Variants in EBNA1BP2 observed in about 807,000 individuals in gnomAD.
EBNA1BP2 encodes probable rRNA-processing protein EBP2.
EBNA1BP2 carries 36 observed loss-of-function variants against 43.5 expected under a neutral mutation model. That is an observed-to-expected ratio of 0.83 (90% confidence interval 0.63 to 1.09). The LOEUF (loss-of-function observed/expected upper bound fraction) is 1.09, where lower values mean the gene tolerates loss of function less well. Among genes scored for constraint, EBNA1BP2 ranks in the 50% least tolerant of loss-of-function variants. The probability of loss-of-function intolerance (pLI) is 0.00; values close to 1 mark genes in which losing one functional copy is unlikely to be tolerated. For synonymous variants in EBNA1BP2, 127 were observed against 141.3 expected (o/e 0.90, Z 0.72); for missense variants, 332 against 379.1 (o/e 0.88, Z 1.03).
At position 43,164,365 on chromosome 1, in the gene EBNA1BP2, A is replaced by G. The variant is rs1644903387; in HGVS notation, c.*78T>C. ...AAGAAATGTTTACAACATGACACCA[A>G]CAGAAGGGATCAAAGTGTGTCGTGA... On this transcript the variant is annotated 3_prime_UTR_variant, in exon 9 of 9. Transcript: ENST00000236051. 1.9e-6 allele frequency: 3 copies of G among 1,559,384 alleles called. No individual in the cohort carries two copies.
intron 2 of EBNA1BP2, 110 bp from the exon 3 acceptor site, chr1:43,171,761 G>C: frequency 6.4e-7 from 1 of 1,561,294 alleles, no homozygotes. Context: ...ACCCAGACAG[G>C]TAATTGACCC....
chr1:43,168,882 A>G, intron 5 of EBNA1BP2, 57 bp downstream of exon 5: 1 of 1,562,628 alleles, frequency 6.4e-7, no homozygotes, highest in Non-Finnish European at 8.8e-7. Context: ...AGACCACGGC[A>G]ATCTCATCTA....
chr1:43,171,958 C>A lies in EBNA1BP2; in HGVS notation c.78G>T (p.Ala26=). 1 of 1,614,188 alleles carries A rather than the reference C, an allele frequency of 6.2e-7. No individual in the cohort carries two copies. The highest frequency in any genetic ancestry group is 1.1e-5 in the South Asian group (1 of 91,084). ...CTGGCTTCAGAAGCCCTCGGGAAAA[C>A]GCATCCTGCAACTGCAGGACACAAT... is the stretch of plus-strand genomic sequence containing the variant. ...SLVTDRELQD[A]FSRGLLKPGL... is the part of the protein sequence containing the mutation. The change falls in exon 2 of 9, where the codon GCG becomes GCT. Residue 26 remains alanine (A), a synonymous_variant. Transcript: ENST00000236051.
At chr1:43,172,490 G>A, upstream of EBNA1BP2, 1 of 1,528,504 alleles carries the variant, frequency 6.5e-7, no homozygotes, top group African/African-American at 1.4e-5. Context: ...AGAAGGAGCT[G>A]GTAGCAGTGA....
At chr1:43,172,467 C>T, upstream of EBNA1BP2, 2 of 1,542,570 alleles carry the variant, frequency 1.3e-6, no homozygotes. Context: ...GGAGGGGGTA[C>T]CTGGGGGTCG....
At position 43,164,704 on chromosome 1, in the gene EBNA1BP2, C is replaced by G; in HGVS notation, c.809G>C (p.Ser270Thr). Reference sequence around the variant, plus strand: ...GCCATGAGCTGTCTTGGCCCGGAAGCTAGATACATCATCATAGCTCTCCCG... The same window carrying G: ...GCCATGAGCTGTCTTGGCCCGGAAGGTAGATACATCATCATAGCTCTCCCG... The part of the protein sequence containing the change: ...NTRESYDDVS[S>T]FRAKTAHGRG... The change falls in exon 8 of 9, where the codon AGC becomes ACC. Residue 270 changes from serine to threonine, a missense_variant. Physicochemically the swap from Ser to Thr is moderately conservative, Grantham distance 58 (BLOSUM62 1). Coordinates refer to ENST00000236051, the MANE Select transcript of EBNA1BP2 (RefSeq NM_006824.3). 1.2e-6 allele frequency: 2 copies of G among 1,614,210 alleles called. No individual in the cohort carries two copies. The highest frequency in any genetic ancestry group is 1.1e-5 in the South Asian group (1 of 91,084).
chr1:43,171,156 T>A, intron 3 of EBNA1BP2: 1 of 459,014 alleles, frequency 2.2e-6, no homozygotes, highest in Non-Finnish European at 3.7e-6. Flanking sequence ...CGATTATGGA[T>A]TCTTATGTAA....
In EBNA1BP2 at chr1:43,165,852, C is replaced by T. The variant is rs773141985; in HGVS notation, c.707+974G>A. Among the ~76,000 whole-genome samples the T allele has an allele frequency of 2.3e-4, 35 of 152,170 alleles. 1 individual carries two copies. The highest frequency in any genetic ancestry group is 1.2e-4 in the Non-Finnish European group (8 of 68,032). ...GTTCAAGCTCTTACTTCTTCCCAAA[C>T]CCAGCTTCTCTTCTATTCTCGTGGT... On this transcript the variant is annotated intron_variant, in intron 7 of 8. Coordinates refer to ENST00000236051, the MANE Select transcript of EBNA1BP2 (RefSeq NM_006824.3).
chr1:43,164,919 T>A, intron 7 of EBNA1BP2, 114 bp from the exon 8 acceptor site: 1 of 1,315,568 alleles, frequency 7.6e-7, no homozygotes, highest in Non-Finnish European at 1.0e-6. Flanking sequence ...GGCACGTCTG[T>A]AACCCAGAAT....
chr1:43,171,049 G>A lies in EBNA1BP2; in HGVS notation c.324-170C>T, dbSNP rs542410610. The A allele has an allele frequency of 7.2e-6, 7 of 978,122 alleles. No individual in the cohort carries two copies. The South Asian group carries it at 8.5e-5, about 12-fold the overall frequency. 60.6% of individuals were successfully genotyped at this position (978,122 alleles called of 1,614,324 possible). A position where few individuals can be genotyped will look rare whatever the true frequency, so the allele number is the denominator to read the frequency against. ...CACTGATTTAGTATCTAAAAGAAAT[G>A]TAGCCGTATACTAGTTTTTAAAAAG... On this transcript the variant is annotated intron_variant, in intron 3 of 8. Coordinates refer to ENST00000236051, the MANE Select transcript of EBNA1BP2 (RefSeq NM_006824.3).
intron 3 of EBNA1BP2, 33 bp downstream of exon 3, chr1:43,171,446 C>T (rs1279975088): frequency 1.3e-6 from 2 of 1,583,992 alleles, no homozygotes; most frequent in Non-Finnish European, 1.7e-6. Context: ...CACAAGGATC[C>T]TCAACTTCTC....
At chr1:43,165,288 A>G (rs1197821245) in intron 7 of EBNA1BP2, among the ~76,000 whole-genome samples, 2 of 152,204 alleles carry the variant, frequency 1.3e-5, no homozygotes, top group Non-Finnish European at 2.9e-5. Flanking sequence ...TCAAATGTAA[A>G]ACTGGTCATC....
At chr1:43,169,505 AC>A (rs372975334) in intron 4 of EBNA1BP2, among the ~76,000 whole-genome samples, 98 of 152,308 alleles carry the variant, frequency 6.4e-4, no homozygotes, top group African/African-American at 2.4e-3. Flanking sequence ...AAGAAGGTGA[AC>A]TACTACCACG....
chr1:43,164,479 T>C lies in EBNA1BP2; in HGVS notation c.885A>G (p.Lys295=). The part of the protein sequence containing the change: ...GKKGSNKRPG[K]RTREKMKNRT... ...TGTTCTTCATCTTCTCTCTTGTTCG[T>C]TTTCCAGGTCTCTTCTACAGAAAAA... Residue 295 remains lysine (K), a synonymous_variant, in exon 9 of 9, where the codon AAA becomes AAG. Coordinates refer to ENST00000236051, the MANE Select transcript of EBNA1BP2 (RefSeq NM_006824.3). The C allele has an allele frequency of 1.2e-6, 2 of 1,614,144 alleles. No homozygotes were observed. The highest frequency in any genetic ancestry group is 1.7e-6 in the Non-Finnish European group (2 of 1,180,018).
chr1:43,172,250 C>T lies in EBNA1BP2; in HGVS notation c.-132G>A. 6.4e-7 allele frequency: 1 copy of T among 1,558,528 alleles called. No homozygotes were observed. Among genetic ancestry groups the T allele is most frequent in the Non-Finnish European group, 8.7e-7 (1 of 1,150,258 alleles). On this transcript the variant is annotated 5_prime_UTR_variant, in exon 1 of 9. Transcript: ENST00000236051. ...ACTCCCACGCCGTGGCTCCACGTGC[C>T]ACCGAATCGCTCCAGCGCCAGCAAC... is the stretch of plus-strand genomic sequence containing the variant.
rs2124175334 is a variant in EBNA1BP2, at chr1:43,171,614, T to C, written c.188A>G (p.Asp63Gly). 6.2e-7 allele frequency: 1 copy of C among 1,614,128 alleles called. No individual in the cohort carries two copies. Among genetic ancestry groups the C allele is most frequent in the Non-Finnish European group, 8.5e-7 (1 of 1,180,026 alleles). The change falls in exon 3 of 9, where the codon GAT (aspartate) becomes GGT (glycine). Residue 63 changes from aspartate (D) to glycine (G), a missense_variant. Around this residue, in one of 3 missense-constraint regions of EBNA1BP2, gnomAD observed 182 missense variants for 173.7 expected, o/e 1.05. Transcript: ENST00000236051. The part of the protein sequence containing the change: ...LKQCLAEFKR[D>G]LEWVERLDVT... ...ATCGAGCCTTTCAACCCATTCCAGA[T>C]CCCGCTTGAATTCTGCCAAACATTG...
chr1:43,170,026 C>T (rs1569727435), intron 4 of EBNA1BP2, among the ~76,000 whole-genome samples: 2 of 152,138 alleles, frequency 1.3e-5, no homozygotes, highest in South Asian at 2.1e-4. Context: ...TTGTCATCCA[C>T]GAAACTAGTC....
At chr1:43,168,896 C>T (rs538375612) in intron 5 of EBNA1BP2, 43 bp downstream of exon 5, 1 of 1,600,168 alleles carries the variant, frequency 6.2e-7, no homozygotes, top group Non-Finnish European at 8.6e-7. Context: ...TCATCTAACA[C>T]ACACTCCGCC....
In EBNA1BP2 at chr1:43,164,248, G is replaced by T; in HGVS notation, c.*195C>A. 1.6e-6 allele frequency: 1 copy of T among 614,228 alleles called. No homozygotes were observed. Among genetic ancestry groups the T allele is most frequent in the Non-Finnish European group, 2.8e-6 (1 of 354,180 alleles). 38.0% of individuals were successfully genotyped at this position (614,228 alleles called of 1,614,324 possible). A position where few individuals can be genotyped will look rare whatever the true frequency, so the allele number is the denominator to read the frequency against. On this transcript the variant is annotated 3_prime_UTR_variant, in exon 9 of 9. Transcript: ENST00000236051. The stretch of plus-strand genomic sequence containing the variant: ...GAACTCAATGTCTAAATTATCAATA[G>T]ATAGCAATGGAAAGTAACTTCTCAA...
Sources: allele counts gnomAD v4.1 joint callset (sites outside exome capture counted in the v4.1 genomes callset), GRCh38; gene constraint gnomAD v4.1.1; regional missense constraint gnomAD v4.1.1; transcripts MANE v1.5; gene names NCBI Gene and HGNC (gene_info 2026-07-23, HGNC 2026-07-21).